The following ADAMTS6 variants were observed in gnomAD, a reference collection of about 807,000 sequenced individuals.
ADAMTS6 encodes ADAM metallopeptidase with thrombospondin type 1 motif 6.
In ADAMTS6, 23 loss-of-function variants were observed where a neutral mutation model predicts 144.3. The observed-to-expected ratio is 0.16, with a 90% confidence interval of 0.11 to 0.23. The LOEUF (loss-of-function observed/expected upper bound fraction) is 0.23. ADAMTS6 is among the 10% of genes least tolerant of loss of function. ADAMTS6 has a pLI of 1.00. For synonymous variants in ADAMTS6, 444 were observed against 457.5 expected (o/e 0.97, Z 0.38); for missense variants, 999 against 1,379.6 (o/e 0.72, Z 4.37).
rs555786498 is a variant in ADAMTS6 at position 65,351,757 on chromosome 5, C to G, written c.1074-17672G>C. The stretch of plus-strand genomic sequence containing the variant: ...TAATCACACCTTTGAATAGCCACTG[C>G]ACTCCATTCCAGCTCAGGCAACACA... On this transcript the variant is annotated intron_variant, in intron 7 of 24. Transcript: ENST00000381055. 7.9e-5 allele frequency among the ~76,000 whole-genome samples: 12 copies of G among 151,912 alleles called. 2 individuals carry two copies. Among genetic ancestry groups the G allele is most frequent in the African/African-American group, 2.9e-4 (12 of 41,418 alleles).
chr5:65,178,020 C>T (rs1468934074), intron 22 of ADAMTS6, among the ~76,000 whole-genome samples: 1 of 152,200 alleles, frequency 6.6e-6, no homozygotes, highest in African/African-American at 2.4e-5. Context: ...TCGTGTCTCT[C>T]ACGACAGGGA....
chr5:65,303,590 T>C (rs991644360), intron 9 of ADAMTS6, among the ~76,000 whole-genome samples: 9 of 151,976 alleles, frequency 5.9e-5, no homozygotes, highest in African/African-American at 9.7e-5. Flanking sequence ...AACTTTCATA[T>C]ACATGTTTTT....
chr5:65,202,556 G>C (rs1173145183), intron 20 of ADAMTS6, among the ~76,000 whole-genome samples: 2 of 152,106 alleles, frequency 1.3e-5, no homozygotes, highest in African/African-American at 4.8e-5. Context: ...GGGTGGAACA[G>C]GGCAAGTACC....
At chr5:65,212,016 A>G (rs1756565675) in intron 20 of ADAMTS6, among the ~76,000 whole-genome samples, 1 of 152,194 alleles carries the variant, frequency 6.6e-6, no homozygotes, top group Non-Finnish European at 1.5e-5. Context: ...TTTCTCTGTC[A>G]GCCAAGACCA....
intron 23 of ADAMTS6, among the ~76,000 whole-genome samples, chr5:65,171,547 T>A (rs1753631155): frequency 6.6e-6 from 1 of 152,168 alleles, no homozygotes; most frequent in Non-Finnish European, 1.5e-5. Context: ...TGAAGTAGAA[T>A]AATGAGAGAT....
intron 20 of ADAMTS6, among the ~76,000 whole-genome samples, chr5:65,208,243 C>A (rs940086151): frequency 6.6e-6 from 1 of 152,150 alleles, no homozygotes; most frequent in Admixed American, 6.5e-5. Context: ...GTTTCAAAAG[C>A]AGTACTTCTC....
intron 4 of ADAMTS6, among the ~76,000 whole-genome samples, chr5:65,458,972 C>T (rs866753747): frequency 3.9e-5 from 6 of 152,020 alleles, no homozygotes; most frequent in East Asian, 1.9e-4. Context: ...TATATCAAAG[C>T]GCATGTTCTT....
At chr5:65,203,265 T>C (rs903527598) in intron 20 of ADAMTS6, among the ~76,000 whole-genome samples, 3 of 152,198 alleles carry the variant, frequency 2.0e-5, no homozygotes, top group African/African-American at 4.8e-5. Context: ...TGCTCACACC[T>C]GTAATCTCAG....
intron 20 of ADAMTS6, chr5:65,210,688 T>A: frequency 1.6e-6 from 1 of 638,302 alleles, no homozygotes. Flanking sequence ...AAGCAAATAA[T>A]TTAATGTGGA....
chr5:65,478,702 T>A (rs930956285), intron 1 of ADAMTS6, among the ~76,000 whole-genome samples: 1 of 152,260 alleles, frequency 6.6e-6, no homozygotes, highest in Non-Finnish European at 1.5e-5. Context: ...ACTAGTTATA[T>A]TGTCTTTTAC....
intron 7 of ADAMTS6, among the ~76,000 whole-genome samples, chr5:65,345,489 G>T (rs1366076730): frequency 6.6e-6 from 1 of 151,606 alleles, no homozygotes; most frequent in Non-Finnish European, 1.5e-5. Context: ...ATTCTTTCAT[G>T]ATTAGTGAAT....
chr5:65,426,133 G>A (rs867198021), intron 7 of ADAMTS6, among the ~76,000 whole-genome samples: 3 of 149,484 alleles, frequency 2.0e-5, no homozygotes, highest in Admixed American at 6.7e-5. Flanking sequence ...TGCAACTTCC[G>A]CCTCCCAAGT....
intron 9 of ADAMTS6, among the ~76,000 whole-genome samples, chr5:65,328,759 A>G (rs1746420887): frequency 7.2e-6 from 1 of 138,544 alleles, no homozygotes. Context: ...AATTTTAAAA[A>G]TGGTATTTTT....
intron 7 of ADAMTS6, among the ~76,000 whole-genome samples, chr5:65,399,736 A>G (rs1439309640): frequency 6.6e-6 from 1 of 152,208 alleles, no homozygotes; most frequent in East Asian, 1.9e-4. Context: ...TACATATGAT[A>G]CATAAGCACA....
intron 7 of ADAMTS6, among the ~76,000 whole-genome samples, chr5:65,392,555 A>G (rs1753010020): frequency 6.6e-6 from 1 of 152,202 alleles, no homozygotes; most frequent in Non-Finnish European, 1.5e-5. Context: ...ATTGGTCTCA[A>G]GTTCGCCAGT....
In ADAMTS6 at chr5:65,260,983, C is replaced by T. The variant is rs1761148018; in HGVS notation, c.1767-320G>A. On this transcript the variant is annotated intron_variant, in intron 13 of 24. Transcript: ENST00000381055. ...TTGAATCAATATATTTTCTAATTAT[C>T]ATAGTAAAAATCACTTATTTATAAT... Among the ~76,000 whole-genome samples, 4 of 151,978 alleles carry T rather than the reference C, an allele frequency of 2.6e-5. No individual in the cohort carries two copies. In the South Asian group the frequency reaches 6.2e-4, roughly 24 times the overall value.
chr5:65,166,155 C>T (rs62368026), intron 24 of ADAMTS6, among the ~76,000 whole-genome samples: 91,289 of 132,220 alleles, frequency 0.69, 31,694 homozygotes, highest in Middle Eastern at 0.74. Context: ...TGCAGAGACA[C>T]ACATAGGCTC....
intron 4 of ADAMTS6, among the ~76,000 whole-genome samples, chr5:65,458,929 G>A (rs1270147412): frequency 2.6e-5 from 4 of 152,170 alleles, no homozygotes; most frequent in Non-Finnish European, 4.4e-5. Flanking sequence ...GCTAAGATGA[G>A]CACTCAGAGA....
At chr5:65,241,778 T>C (rs1759213108) in intron 15 of ADAMTS6, among the ~76,000 whole-genome samples, 1 of 152,166 alleles carries the variant, frequency 6.6e-6, no homozygotes, top group African/African-American at 2.4e-5. Context: ...AACTTACATA[T>C]ACCCTAAGGA....
Sources: allele counts gnomAD v4.1 joint callset (sites outside exome capture counted in the v4.1 genomes callset), GRCh38; gene constraint gnomAD v4.1.1; transcripts MANE v1.5; gene names NCBI Gene and HGNC (gene_info 2026-07-23, HGNC 2026-07-21).